PRKG1: variants seen among roughly 807,000 people sequenced by gnomAD.
The protein encoded by PRKG1 is protein kinase cGMP-dependent 1.
Under a neutral mutation model 88.1 loss-of-function variants are expected in PRKG1, and 35 were observed. The observed-to-expected ratio is 0.40, with a 90% CI of 0.30 to 0.53. The LOEUF is 0.53. PRKG1 is among the 20% of genes least tolerant of loss of function. PRKG1 has a pLI of 0.59. For missense variants in PRKG1, 540 were observed against 839.8 expected (o/e 0.64, Z 4.41); for synonymous variants, 303 against 292.5 (o/e 1.04, Z -0.37).
chr10:52,151,384 C>T (rs994171614), intron 8 of PRKG1, among the ~76,000 whole-genome samples: 7 of 152,044 alleles, frequency 4.6e-5, no homozygotes, highest in African/African-American at 1.7e-4. Flanking sequence ...ATAATTCTAT[C>T]ACAAAATGGT....
intron 3 of PRKG1, among the ~76,000 whole-genome samples, chr10:51,755,086 A>G (rs1308713116): frequency 6.6e-6 from 1 of 151,622 alleles, no homozygotes; most frequent in Non-Finnish European, 1.5e-5. Flanking sequence ...TTTTTTAAGT[A>G]TGGAATAAGA....
At chr10:51,481,710 G>A (rs1216654482) in intron 3 of PRKG1, among the ~76,000 whole-genome samples, 1 of 150,308 alleles carries the variant, frequency 6.7e-6, no homozygotes, top group Admixed American at 6.7e-5. Flanking sequence ...TAGTAGCTTT[G>A]GAACTCACTA....
intron 2 of PRKG1, among the ~76,000 whole-genome samples, chr10:51,177,829 A>G (rs192549996): frequency 1.3e-5 from 2 of 152,100 alleles, no homozygotes; most frequent in African/African-American, 4.8e-5. Context: ...GATTACATTT[A>G]TATTTAATTA....
chr10:51,754,795 A>G (rs545109563), intron 3 of PRKG1, among the ~76,000 whole-genome samples: 3 of 152,284 alleles, frequency 2.0e-5, no homozygotes, highest in East Asian at 1.9e-4. Flanking sequence ...CAGATAAACT[A>G]TTTAAATACT....
chr10:51,214,790 G>A (rs1240067884), intron 2 of PRKG1, among the ~76,000 whole-genome samples: 3 of 152,048 alleles, frequency 2.0e-5, no homozygotes, highest in Admixed American at 2.0e-4. Context: ...GAGAACAGCT[G>A]TCAAATATCA....
intron 2 of PRKG1, among the ~76,000 whole-genome samples, chr10:51,371,471 C>T (rs1305947277): frequency 6.6e-6 from 1 of 152,022 alleles, no homozygotes; most frequent in Non-Finnish European, 1.5e-5. Flanking sequence ...AGAGAAAAAA[C>T]TGATGTAATG....
rs1846059195 is a variant in PRKG1 at position 52,054,398 on chromosome 10, C to T, written c.763-86C>T. 5.4e-6 allele frequency: 5 copies of T among 924,688 alleles called. No individual in the cohort carries two copies. The South Asian group carries it at 7.1e-5, about 13-fold the overall frequency. 57.3% of individuals were successfully genotyped at this position (924,688 alleles called of 1,614,324 possible). ...TAAAATTCCATTAGGATGAATATAT[C>T]CCTGGGGGTTGATATTTGAAGAGGC... On this transcript the variant is annotated intron_variant, in intron 5 of 17. Coordinates refer to ENST00000373980, the MANE Select transcript of PRKG1 (RefSeq NM_006258.4).
At chr10:51,356,697 G>T (rs1272497947) in intron 2 of PRKG1, among the ~76,000 whole-genome samples, 1 of 151,830 alleles carries the variant, frequency 6.6e-6, no homozygotes, top group Non-Finnish European at 1.5e-5. Context: ...GTCAACTCCT[G>T]TATCTTGAAC....
At chr10:52,005,741 G>A (rs181822160) in intron 5 of PRKG1, among the ~76,000 whole-genome samples, 10 of 152,208 alleles carry the variant, frequency 6.6e-5, no homozygotes, top group Admixed American at 3.3e-4. Context: ...AGATGTCAGG[G>A]TGGGCAGGTC....
intron 12 of PRKG1, 113 bp from the exon 13 acceptor site, chr10:52,280,676 G>A (rs78346962): frequency 2.6e-6 from 3 of 1,144,646 alleles, no homozygotes; most frequent in African/African-American, 1.6e-5. Context: ...GCAGGACAGT[G>A]ATCTCTGGGT....
intron 2 of PRKG1, among the ~76,000 whole-genome samples, chr10:51,432,391 T>C (rs982876502): frequency 6.6e-6 from 1 of 151,996 alleles, no homozygotes; most frequent in Non-Finnish European, 1.5e-5. Context: ...AATTCTACTT[T>C]CAGGTATTTG....
intron 7 of PRKG1, among the ~76,000 whole-genome samples, chr10:52,076,995 GT>G (rs954483832): frequency 1.4e-3 from 196 of 145,084 alleles, no homozygotes; most frequent in East Asian, 6.0e-3. Context: ...CAGTTTGGCA[GT>G]TTTTTTTTTT....
intron 3 of PRKG1, among the ~76,000 whole-genome samples, chr10:51,741,179 A>G (rs1837424918): frequency 6.6e-6 from 1 of 152,146 alleles, no homozygotes; most frequent in African/African-American, 2.4e-5. Context: ...CTACTGGAAT[A>G]AATTACTGAG....
chr10:52,016,362 G>C (rs567139113), intron 5 of PRKG1, among the ~76,000 whole-genome samples: 1 of 152,084 alleles, frequency 6.6e-6, no homozygotes, highest in Non-Finnish European at 1.5e-5. Flanking sequence ...TTAAACCATC[G>C]GATCTTGTTA....
intron 1 of PRKG1, among the ~76,000 whole-genome samples, chr10:51,088,392 G>GTTTTTTTTTTTTT (rs35801594): frequency 7.2e-6 from 1 of 138,418 alleles, no homozygotes; most frequent in Non-Finnish European, 1.6e-5. Flanking sequence ...TTGGTTTTCA[G>GTTTTTTTTTTTTT]TTTTTTTTTT....
intron 9 of PRKG1, among the ~76,000 whole-genome samples, chr10:52,211,125 A>G (rs1839960491): frequency 6.6e-6 from 1 of 152,146 alleles, no homozygotes; most frequent in Non-Finnish European, 1.5e-5. Context: ...AGTATCATCC[A>G]AATCAGTTAT....
intron 7 of PRKG1, among the ~76,000 whole-genome samples, chr10:52,105,700 T>C (rs1847402970): frequency 6.6e-6 from 1 of 152,180 alleles, no homozygotes; most frequent in Non-Finnish European, 1.5e-5. Context: ...TGGGGGTTTG[T>C]TGTACAGATT....
intron 2 of PRKG1, among the ~76,000 whole-genome samples, chr10:51,313,569 G>C (rs1244993820): frequency 6.6e-6 from 1 of 152,068 alleles, no homozygotes; most frequent in East Asian, 1.9e-4. Flanking sequence ...CTTCCCTATA[G>C]GTTAAAGACT....
chr10:51,372,923 C>A (rs1338467952), intron 2 of PRKG1, among the ~76,000 whole-genome samples: 1 of 151,938 alleles, frequency 6.6e-6, no homozygotes, highest in African/African-American at 2.4e-5. Context: ...CATTGGATTT[C>A]TTTTGCTTAT....
Sources: allele counts gnomAD v4.1 joint callset (sites outside exome capture counted in the v4.1 genomes callset), GRCh38; gene constraint gnomAD v4.1.1; transcripts MANE v1.5; gene names NCBI Gene and HGNC (gene_info 2026-07-23, HGNC 2026-07-21).